The following NADSYN1 variants were observed in gnomAD, a reference collection of about 807,000 sequenced individuals.
NADSYN1 encodes the protein NAD synthetase 1, also known as glutamine-dependent NAD(+) synthetase.
In NADSYN1, 80 loss-of-function variants were observed where a neutral mutation model predicts 99.3. That is an observed-to-expected ratio of 0.81 (90% confidence interval 0.67 to 0.97). The LOEUF (loss-of-function observed/expected upper bound fraction) is 0.97. Among genes scored for constraint, NADSYN1 ranks in the 50% least tolerant of loss-of-function variants. The pLI is 0.00. For synonymous variants in NADSYN1, 385 were observed against 372.1 expected (o/e 1.03, Z -0.40); for missense variants, 859 against 948.5 (o/e 0.91, Z 1.24).
chr11:71,481,648 C>T (rs768392108), intron 12 of NADSYN1: 103 of 604,648 alleles, frequency 1.7e-4, no homozygotes, highest in Non-Finnish European at 2.5e-4. Context: ...TTCAGGGTCA[C>T]GCTCACCATC....
chr11:71,489,936 G>A (rs1434756041), intron 16 of NADSYN1, among the ~76,000 whole-genome samples: 1 of 152,224 alleles, frequency 6.6e-6, no homozygotes, highest in Non-Finnish European at 1.5e-5. Flanking sequence ...CAGGAGTCCC[G>A]TGGAGAACCT....
intron 9 of NADSYN1, chr11:71,477,433 G>A (rs570997782): frequency 1.7e-5 from 22 of 1,289,714 alleles, no homozygotes; most frequent in African/African-American, 1.2e-4. Context: ...GGGCATCTCC[G>A]GCCAGGTATG....
intron 1 of NADSYN1, among the ~76,000 whole-genome samples, chr11:71,454,452 T>C (rs985716473): frequency 1.3e-5 from 2 of 152,250 alleles, no homozygotes; most frequent in Non-Finnish European, 2.9e-5. Flanking sequence ...CCTCAAGTGA[T>C]CCACCTGCCT....
chr11:71,470,998 A>G (rs1286574334), intron 5 of NADSYN1, among the ~76,000 whole-genome samples: 3 of 152,108 alleles, frequency 2.0e-5, no homozygotes, highest in Non-Finnish European at 4.4e-5. Flanking sequence ...CAAGTATTTT[A>G]AGACTTCAAA....
chr11:71,482,070 C>A, intron 13 of NADSYN1, 45 bp downstream of exon 13: 2 of 1,551,094 alleles, frequency 1.3e-6, no homozygotes, highest in South Asian at 1.2e-5. Context: ...GGGTCCAGCC[C>A]TTGGGCTGCC....
At chr11:71,494,669 C>T (rs529235996) in intron 18 of NADSYN1, among the ~76,000 whole-genome samples, 22 of 152,320 alleles carry the variant, frequency 1.4e-4, no homozygotes, top group African/African-American at 4.1e-4. Flanking sequence ...ATTCTCCTGC[C>T]TCAGCCTCCC....
chr11:71,477,161 G>C, intron 9 of NADSYN1: 1 of 1,142,182 alleles, frequency 8.8e-7, no homozygotes, highest in Non-Finnish European at 1.1e-6. Flanking sequence ...CGTTTCTCAG[G>C]GTCTTCCTAA....
intron 1 of NADSYN1, among the ~76,000 whole-genome samples, chr11:71,454,052 T>TA (rs2120380549): frequency 6.6e-6 from 1 of 152,288 alleles, no homozygotes; most frequent in South Asian, 2.1e-4. Flanking sequence ...GATGAAAAGT[T>TA]AAACTATTAC....
At position 71,501,329 on chromosome 11, in the gene NADSYN1, C is replaced by T. The variant is rs771927945; in HGVS notation, c.2098C>T (p.Gln700Ter). ...QVLQLERAEP[Q>*]SLDGVD ...GCTACAGCTCGAGAGGGCAGAGCCA[C>T]AGTCCCTGGACGGCGTGGACTGAGG... The change falls in exon 21 of 21, where the codon CAG becomes TAG. Residue 700 changes from glutamine (Q) to a stop codon, truncating the protein, a stop_gained. Coordinates refer to ENST00000319023, the MANE Select transcript of NADSYN1 (RefSeq NM_018161.5). LOFTEE classifies it high-confidence loss of function. 1 of 1,606,610 alleles carries T rather than the reference C, an allele frequency of 6.2e-7. No homozygotes were observed. The highest frequency in any genetic ancestry group is 8.5e-7 in the Non-Finnish European group (1 of 1,176,796).
At chr11:71,466,960 A>G (rs1234122901) in intron 5 of NADSYN1, among the ~76,000 whole-genome samples, 2 of 151,794 alleles carry the variant, frequency 1.3e-5, no homozygotes, top group African/African-American at 4.8e-5. Context: ...TGATAACTTC[A>G]TGGAACTGGA....
At chr11:71,454,593 T>C (rs1949501054) in intron 1 of NADSYN1, among the ~76,000 whole-genome samples, 1 of 30,714 alleles carries the variant, frequency 3.3e-5, no homozygotes, top group South Asian at 3.3e-4. Context: ...GAAGAAGGCT[T>C]GGCCAAAACT....
At chr11:71,482,133 G>T in intron 13 of NADSYN1, 108 bp downstream of exon 13, 2 of 951,142 alleles carry the variant, frequency 2.1e-6, no homozygotes, top group Non-Finnish European at 3.2e-6. Flanking sequence ...ATGGACATCG[G>T]GGTGAAGGGG....
At chr11:71,459,330 C>T (rs776384100) in intron 3 of NADSYN1, among the ~76,000 whole-genome samples, 11 of 148,412 alleles carry the variant, frequency 7.4e-5, no homozygotes, top group African/African-American at 2.8e-4. Context: ...GCTGTCCCTG[C>T]ATAGCCGGTC....
At chr11:71,486,340 C>T (rs1949743091) in intron 16 of NADSYN1, among the ~76,000 whole-genome samples, 1 of 151,998 alleles carries the variant, frequency 6.6e-6, no homozygotes, top group South Asian at 2.1e-4. Flanking sequence ...TCCATCTGTC[C>T]ATTCATCTAT....
At chr11:71,476,568 A>C in intron 9 of NADSYN1, 1 of 761,924 alleles carries the variant, frequency 1.3e-6, no homozygotes, top group Non-Finnish European at 1.6e-6. Flanking sequence ...GGGGCAGGCA[A>C]GGGTGTGGCC....
Position 71,453,229 on chromosome 11 carries a change from G to A in NADSYN1, c.-68G>A, listed in dbSNP as rs1236418478. 4 of 1,422,262 alleles carry A rather than the reference G, an allele frequency of 2.8e-6. No individual in the cohort carries two copies. The highest frequency in any genetic ancestry group is 4.8e-5 in the East Asian group (2 of 41,688). The allele number at this position is 1,422,262 out of a possible 1,614,324, so 88.1% of individuals were successfully genotyped here. On this transcript the variant is annotated 5_prime_UTR_variant, in exon 1 of 21. Transcript: ENST00000319023. ...ACCCGGAAGGTCCGGCGTCCCAGCC[G>A]CCTACCTCGCTGGGACCCTGGTCTT... is the stretch of plus-strand genomic sequence containing the variant.
chr11:71,473,785 A>C, intron 8 of NADSYN1, 99 bp downstream of exon 8: 5 of 866,992 alleles, frequency 5.8e-6, no homozygotes, highest in Non-Finnish European at 9.4e-6. Context: ...CCCACACACA[A>C]TGGATGTTCC....
rs1949706629 is a variant in NADSYN1, at chr11:71,481,374, G to A, written c.1017G>A (p.Trp339Ter). The change falls in exon 12 of 21, where the codon TGG (tryptophan) becomes TGA (stop). Residue 339 changes from tryptophan (W) to a stop codon, truncating the protein, a stop_gained. Coordinates refer to ENST00000319023, the MANE Select transcript of NADSYN1 (RefSeq NM_018161.5). LOFTEE classifies it high-confidence loss of function. ...CCTGCAGCCTTGGACCTGCCTGCTG[G>A]CTCTGGGATTTTTTAAGACGAAGTC... is the stretch of plus-strand genomic sequence containing the variant. The part of the protein sequence containing the change: ...EEEISLGPAC[W>*]LWDFLRRSQQ... The A allele has an allele frequency of 6.2e-7, 1 of 1,613,980 alleles. No homozygotes were observed. The highest frequency in any genetic ancestry group is 8.5e-7 in the Non-Finnish European group (1 of 1,180,018).
chr11:71,498,313 T>G, intron 19 of NADSYN1, 39 bp from the exon 20 acceptor site: 1 of 1,609,994 alleles, frequency 6.2e-7, no homozygotes, highest in Non-Finnish European at 8.5e-7. Flanking sequence ...GTCTCTCCAG[T>G]TTTGGTAACA....
Sources: allele counts gnomAD v4.1 joint callset (sites outside exome capture counted in the v4.1 genomes callset), GRCh38; gene constraint gnomAD v4.1.1; transcripts MANE v1.5; gene names NCBI Gene and HGNC (gene_info 2026-07-23, HGNC 2026-07-21).